The following CCNH variants were observed in gnomAD, a reference collection of about 807,000 sequenced individuals.
CCNH encodes cyclin H.
CCNH carries 31 observed loss-of-function variants against 41.9 expected under a neutral mutation model. That is an observed-to-expected ratio of 0.74 (90% CI 0.56 to 1.00). The LOEUF (loss-of-function observed/expected upper bound fraction) is 1.00, where lower values mean the gene tolerates loss of function less well. CCNH is among the 50% of genes least tolerant of loss of function. The pLI, the probability that CCNH is intolerant of heterozygous loss-of-function variation, is 0.00. For synonymous variants in CCNH, 138 were observed against 136.1 expected, an observed-to-expected ratio of 1.01 and a Z score of -0.10; for missense variants, 362 against 388.4, an observed-to-expected ratio of 0.93 and a Z score of 0.57.
downstream of CCNH, among the ~76,000 whole-genome samples, chr5:87,372,601 T>G (rs1017537643): frequency 6.6e-6 from 1 of 152,180 alleles, no homozygotes; most frequent in African/African-American, 2.4e-5. Flanking sequence ...AACCTACTGC[T>G]TAACTCTTAG....
At chr5:87,341,262 A>G in intron 9 of CCNH, 1 of 1,247,098 alleles carries the variant, frequency 8.0e-7, no homozygotes. Context: ...TAATTATATA[A>G]AATACTGTCT....
At chr5:87,339,738 G>T (rs1027114808) in intron 9 of CCNH, among the ~76,000 whole-genome samples, 1 of 152,116 alleles carries the variant, frequency 6.6e-6, no homozygotes, top group Non-Finnish European at 1.5e-5. Context: ...TGATGTGGTT[G>T]CTAAAAATGA....
At chr5:87,337,336 A>G (rs530366447) in intron 9 of CCNH, among the ~76,000 whole-genome samples, 2 of 152,164 alleles carry the variant, frequency 1.3e-5, no homozygotes, top group Admixed American at 1.3e-4. Flanking sequence ...GAAAAAAAAC[A>G]TACATTCCTT....
chr5:87,383,859 C>CTTTT, intron 9 of CCNH: 2 of 897,556 alleles, frequency 2.2e-6, no homozygotes, highest in South Asian at 1.7e-5. Context: ...ACTCTTAAAT[C>CTTTT]TTTTTTTTTT....
At chr5:87,315,968 G>A (rs997963364), downstream of CCNH, among the ~76,000 whole-genome samples, 1 of 152,088 alleles carries the variant, frequency 6.6e-6, no homozygotes, top group Non-Finnish European at 1.5e-5. Flanking sequence ...TCAGTAATTT[G>A]TAATTCAATT....
At chr5:87,412,652 C>G in intron 1 of CCNH, 26 bp downstream of exon 1, 1 of 1,612,150 alleles carries the variant, frequency 6.2e-7, no homozygotes, top group Non-Finnish European at 8.5e-7. Flanking sequence ...GACCGGGCAA[C>G]TGGGCAACCG....
chr5:87,344,021 TAACTC>T (rs926849753), intron 9 of CCNH, among the ~76,000 whole-genome samples: 5 of 151,998 alleles, frequency 3.3e-5, no homozygotes, highest in African/African-American at 4.8e-5. Flanking sequence ...ATTAGAAAAT[TAACTC>T]AGGGAGATAG....
chr5:87,338,209 A>T, intron 9 of CCNH: 1 of 1,495,884 alleles, frequency 6.7e-7, no homozygotes. Flanking sequence ...AACTTAATTG[A>T]TAAGTACAAG....
chr5:87,390,649 C>G, downstream of CCNH: 1 of 709,032 alleles, frequency 1.4e-6, no homozygotes, highest in Non-Finnish European at 2.5e-6. Flanking sequence ...CAGCCAATGA[C>G]TGAATAATAG....
At chr5:87,385,525 T>C in intron 9 of CCNH, 1 of 704,738 alleles carries the variant, frequency 1.4e-6, no homozygotes, top group East Asian at 2.7e-5. Flanking sequence ...GGTATGTTTG[T>C]TTTTAAAGTA....
At position 87,399,561 on chromosome 5, in the gene CCNH, T is replaced by G. The variant is rs1763240557; in HGVS notation, c.761-56A>C. The G allele has an allele frequency of 2.8e-5, 31 of 1,097,154 alleles. No homozygotes were observed. The South Asian group carries it at 3.9e-4, about 14-fold the overall frequency. The allele number at this position is 1,097,154 out of a possible 1,614,324, so 68.0% of individuals were successfully genotyped here. A position where few individuals can be genotyped will look rare whatever the true frequency, so the allele number is the denominator to read the frequency against. ...GAATAAGCAAACCTCCTTCTCATAG[T>G]AAGGGAGCTGGTTACTTTTCCATTT... is the stretch of plus-strand genomic sequence containing the variant. On this transcript the variant is annotated intron_variant, in intron 6 of 8. Coordinates refer to ENST00000256897, the MANE Select transcript of CCNH (RefSeq NM_001239.4).
intron 9 of CCNH, among the ~76,000 whole-genome samples, chr5:87,384,626 C>T (rs1761943086): frequency 6.6e-6 from 1 of 152,046 alleles, no homozygotes; most frequent in Admixed American, 6.6e-5. Context: ...TCAGACAACA[C>T]CATCTAAAAC....
chr5:87,332,972 A>G (rs1352176223), intron 9 of CCNH, among the ~76,000 whole-genome samples: 2 of 152,154 alleles, frequency 1.3e-5, no homozygotes, highest in Non-Finnish European at 2.9e-5. Flanking sequence ...TGCCTTGTGT[A>G]TCATCAATGA....
At chr5:87,335,796 A>C (rs1757935418) in intron 9 of CCNH, among the ~76,000 whole-genome samples, 1 of 152,144 alleles carries the variant, frequency 6.6e-6, no homozygotes, top group Non-Finnish European at 1.5e-5. Context: ...GTGAACTAAT[A>C]TTTTCTAAAA....
intron 7 of CCNH, among the ~76,000 whole-genome samples, chr5:87,397,059 T>C (rs751616724): frequency 7.9e-5 from 12 of 152,346 alleles, no homozygotes; most frequent in Middle Eastern, 3.4e-3. Context: ...AACAAATATT[T>C]AGTCCTAAAG....
At chr5:87,322,398 G>A (rs1756892180) in intron 9 of CCNH, among the ~76,000 whole-genome samples, 1 of 152,174 alleles carries the variant, frequency 6.6e-6, no homozygotes, top group Non-Finnish European at 1.5e-5. Context: ...GAATCTAATG[G>A]TTGATGATCT....
intron 5 of CCNH, among the ~76,000 whole-genome samples, chr5:87,404,142 T>TA (rs1457208379): frequency 6.6e-6 from 1 of 152,174 alleles, no homozygotes; most frequent in Non-Finnish European, 1.5e-5. Context: ...AGTTATCTGG[T>TA]GTATATATTA....
At chr5:87,369,655 C>G (rs1288951388) in intron 9 of CCNH, among the ~76,000 whole-genome samples, 2 of 151,744 alleles carry the variant, frequency 1.3e-5, no homozygotes, top group African/African-American at 2.4e-5. Context: ...ATATATATAG[C>G]TGACTTTTTT....
intron 9 of CCNH, among the ~76,000 whole-genome samples, chr5:87,338,615 A>G (rs1302988871): frequency 6.9e-6 from 1 of 145,588 alleles, no homozygotes; most frequent in African/African-American, 2.5e-5. Context: ...CAAGTGTTCC[A>G]CCCGCCTTAG....
Sources: gnomAD v4.1 joint callset for allele counts (sites outside exome capture counted in the v4.1 genomes callset) on GRCh38, gnomAD v4.1.1 for gene constraint, MANE v1.5 for transcripts, NCBI Gene and HGNC (gene_info 2026-07-23, HGNC 2026-07-21) for gene names.